Variants in LEMD2 observed in about 807,000 individuals in gnomAD.
LEMD2 encodes LEM domain nuclear envelope protein 2, also known as LEM domain-containing protein 2.
In LEMD2, 34 loss-of-function variants were observed where a neutral mutation model predicts 58.8. The observed-to-expected ratio is 0.58, with a 90% CI of 0.44 to 0.77. The LOEUF (loss-of-function observed/expected upper bound fraction) is 0.77. Among genes scored for constraint, LEMD2 ranks in the 30% least tolerant of loss-of-function variants. The pLI is 0.00. For missense variants in LEMD2, 629 were observed against 717.9 expected (o/e 0.88, Z 1.42); for synonymous variants, 298 against 308.9 (o/e 0.96, Z 0.37).
At chr6:33,787,361 C>T (rs1767701929) in intron 1 of LEMD2, among the ~76,000 whole-genome samples, 1 of 152,220 alleles carries the variant, frequency 6.6e-6, no homozygotes, top group Admixed American at 6.5e-5. Flanking sequence ...TAAATGCTCT[C>T]ATAGTGGGGA....
rs11349649 is a variant in LEMD2, at chr6:33,774,168, C to CT, written c.1362-1391dup. ...ATGATGCCCACGTGCTAGGCACTGA[C>CT]TTTTTTTTTTTTTTTTTTTTTGAGA... is the stretch of plus-strand genomic sequence containing the variant. On this transcript the variant is annotated intron_variant, in intron 8 of 8. Transcript: ENST00000293760. Among the ~76,000 whole-genome samples the CT allele has an allele frequency of 3.3e-3, 377 of 115,336 alleles. 3 individuals carry two copies. The highest frequency in any genetic ancestry group is 5.1e-3 in the African/African-American group (165 of 32,412). The allele number at this position is 115,336 out of a possible 152,430, so 75.7% of individuals were successfully genotyped here. A position where few individuals can be genotyped will look rare whatever the true frequency, so the allele number is the denominator to read the frequency against.
chr6:33,784,470 G>A, intron 2 of LEMD2, 43 bp from the exon 3 acceptor site: 1 of 457,084 alleles, frequency 2.2e-6, no homozygotes, highest in South Asian at 1.6e-5. Flanking sequence ...AGGGGTGGGT[G>A]GGAGGGGTCC....
intron 3 of LEMD2, chr6:33,781,373 C>CG: frequency 5.4e-6 from 3 of 552,722 alleles, no homozygotes; most frequent in Middle Eastern, 2.8e-4. Flanking sequence ...AGCAGTGTGG[C>CG]ATTTTGCATT....
chr6:33,784,477 G>GGGGT, intron 2 of LEMD2, 50 bp from the exon 3 acceptor site: 1 of 430,810 alleles, frequency 2.3e-6, no homozygotes, highest in Non-Finnish European at 4.8e-6. Context: ...GGTGGGAGGG[G>GGGGT]TCCGTCTGTC....
chr6:33,773,688 G>A (rs1278254714), intron 8 of LEMD2, among the ~76,000 whole-genome samples: 1 of 152,098 alleles, frequency 6.6e-6, no homozygotes, highest in Admixed American at 6.5e-5. Context: ...TGGTCTGGCC[G>A]AGGCCACACA....
intron 2 of LEMD2, among the ~76,000 whole-genome samples, chr6:33,785,544 G>A (rs538332821): frequency 1.8e-4 from 28 of 152,318 alleles, no homozygotes; most frequent in Non-Finnish European, 2.9e-4. Flanking sequence ...CCATTCACTT[G>A]TGGGTCTGAT....
At chr6:33,785,812 A>G (rs1027555201) in intron 2 of LEMD2, among the ~76,000 whole-genome samples, 1 of 152,254 alleles carries the variant, frequency 6.6e-6, no homozygotes, top group Non-Finnish European at 1.5e-5. Flanking sequence ...GGAAGCAAAG[A>G]TATTTGGTGG....
rs1478259396 is a variant in LEMD2 at position 33,788,607 on chromosome 6, C to T, written c.510G>A (p.Ala170=). 1.6e-6 allele frequency: 2 copies of T among 1,276,818 alleles called. No individual in the cohort carries two copies. Among genetic ancestry groups the T allele is most frequent in the Non-Finnish European group, 9.8e-7 (1 of 1,015,382 alleles). The allele number at this position is 1,276,818 out of a possible 1,614,324, so 79.1% of individuals were successfully genotyped here. The change falls in exon 1 of 9, where the codon GCG becomes GCA. Residue 170 remains alanine, a synonymous_variant. Coordinates refer to ENST00000293760, the MANE Select transcript of LEMD2 (RefSeq NM_181336.4). ...GACCGAGGAGGGAGGAAGGCAGCCG[C>T]GCCGGGGCGGGAGACGCTGCCCACC... is the stretch of plus-strand genomic sequence containing the variant. ...RRWWAASPAP[A]RLPSSLLGPD...
At chr6:33,780,959 G>T (rs1767551920) in intron 4 of LEMD2, 118 bp downstream of exon 4, 1 of 667,290 alleles carries the variant, frequency 1.5e-6, no homozygotes, top group Admixed American at 2.9e-5. Flanking sequence ...TTAACTTAAG[G>T]TAGCCTAGTA....
chr6:33,771,831 G>A lies in LEMD2; in HGVS notation c.*797C>T, dbSNP rs1002293982. Reference sequence around the variant, plus strand: ...GGCGATCTTCGCACACAGCAAGTGCGAGGCTCTGGGCCCTGACGCAGGGCT... The same window carrying A: ...GGCGATCTTCGCACACAGCAAGTGCAAGGCTCTGGGCCCTGACGCAGGGCT... On this transcript the variant is annotated 3_prime_UTR_variant, in exon 9 of 9. Transcript: ENST00000293760. The A allele has an allele frequency of 6.6e-6, 1 of 152,310 alleles. No individual in the cohort carries two copies. Among genetic ancestry groups the A allele is most frequent in the African/African-American group, 2.4e-5 (1 of 41,468 alleles). 9.4% of individuals were successfully genotyped at this position (152,310 alleles called of 1,614,324 possible). A position where few individuals can be genotyped will look rare whatever the true frequency, so the allele number is the denominator to read the frequency against.
At chr6:33,774,872 G>A (rs932570341) in intron 8 of LEMD2, among the ~76,000 whole-genome samples, 4 of 152,164 alleles carry the variant, frequency 2.6e-5, no homozygotes, top group Admixed American at 1.3e-4. Flanking sequence ...TGCTCCAGCT[G>A]GACAGGGATT....
chr6:33,785,385 T>C (rs956572891), intron 2 of LEMD2, among the ~76,000 whole-genome samples: 1 of 152,260 alleles, frequency 6.6e-6, no homozygotes, highest in East Asian at 1.9e-4. Context: ...CAAATAGGGA[T>C]ATCTGCGTCT....
chr6:33,784,336 T>TA lies in LEMD2; in HGVS notation c.853+15dup. ...CTCTCACAAGAGGAATCTCAGGACT[T>TA]ACGTGACTTACTCACCAGCTTGGAT... is the stretch of plus-strand genomic sequence containing the variant. On this transcript the variant is annotated intron_variant, in intron 3 of 8. Transcript: ENST00000293760. 1 of 1,605,248 alleles carries TA rather than the reference T, an allele frequency of 6.2e-7. No homozygotes were observed. The highest frequency in any genetic ancestry group is 1.1e-5 in the South Asian group (1 of 90,892).
chr6:33,783,163 T>A (rs943478), intron 3 of LEMD2, among the ~76,000 whole-genome samples: 75,332 of 151,886 alleles, frequency 0.5, 19,631 homozygotes, highest in East Asian at 0.82. Context: ...TTGGACCACA[T>A]TTGAGACACA....
intron 8 of LEMD2, among the ~76,000 whole-genome samples, chr6:33,773,602 G>GC (rs1554148368): frequency 1.3e-5 from 2 of 151,578 alleles, no homozygotes; most frequent in Admixed American, 6.6e-5. Context: ...GGCGGGGGGG[G>GC]GGCTAGGGCT....
Position 33,778,403 on chromosome 6 carries a change from G to A in LEMD2, c.1011-16C>T, listed in dbSNP as rs777083774. 6.6e-7 allele frequency: 1 copy of A among 1,518,724 alleles called. No individual in the cohort carries two copies. Among genetic ancestry groups the A allele is most frequent in the Non-Finnish European group, 8.9e-7 (1 of 1,127,568 alleles). 94.1% of individuals were successfully genotyped at this position (1,518,724 alleles called of 1,614,324 possible). On this transcript the variant is annotated splice_polypyrimidine_tract_variant and intron_variant, in intron 5 of 8. Transcript: ENST00000293760. This position sits in a 1 kb window ranked among gnomAD's most constrained non-coding sequence, Gnocchi z 4.7. ...TCCTTTCAACCTGAAACAGGACACAGGGCTCTGAACATGTTGGAAAGCTCC... is the reference window on the plus strand; with the variant it reads ...TCCTTTCAACCTGAAACAGGACACAAGGCTCTGAACATGTTGGAAAGCTCC...
intron 3 of LEMD2, 29 bp downstream of exon 3, chr6:33,784,323 G>C (rs2127382262): frequency 6.4e-7 from 1 of 1,566,156 alleles, no homozygotes. Flanking sequence ...CTCACAAGAG[G>C]AATCTCAGGA....
rs1767318396 is a variant in LEMD2, at chr6:33,772,314, G to A, written c.*314C>T. The A allele has an allele frequency of 4.6e-6, 1 of 218,108 alleles. No homozygotes were observed. Among genetic ancestry groups the A allele is most frequent in the South Asian group, 9.8e-5 (1 of 10,242 alleles). The allele number at this position is 218,108 out of a possible 1,614,324, so 13.5% of individuals were successfully genotyped here. A position where few individuals can be genotyped will look rare whatever the true frequency, so the allele number is the denominator to read the frequency against. ...GCCCCAGCCCACCAGCCCCACGCTT[G>A]TCAGCTGGGCCTGACAGCTGCTGCT... On this transcript the variant is annotated 3_prime_UTR_variant, in exon 9 of 9. Coordinates refer to ENST00000293760, the MANE Select transcript of LEMD2 (RefSeq NM_181336.4).
chr6:33,772,991 T>A (rs1767339560), intron 8 of LEMD2, among the ~76,000 whole-genome samples: 1 of 152,114 alleles, frequency 6.6e-6, no homozygotes, highest in African/African-American at 2.4e-5. Flanking sequence ...CCAAACACAT[T>A]CAATTAAAGG....
Sources: gnomAD v4.1 joint callset for allele counts (sites outside exome capture counted in the v4.1 genomes callset) on GRCh38, gnomAD v4.1.1 for gene constraint, Gnocchi (gnomAD v3.1) non-coding constraint, MANE v1.5 for transcripts, NCBI Gene and HGNC (gene_info 2026-07-23, HGNC 2026-07-21) for gene names.